Variants in THSD7B observed in about 807,000 individuals in gnomAD.
THSD7B encodes the protein thrombospondin type-1 domain-containing protein 7B.
Under a neutral mutation model 213.6 loss-of-function variants are expected in THSD7B, and 138 were observed. The ratio of observed to expected loss-of-function variants is 0.65; its 90% CI spans 0.56 to 0.74. The LOEUF is 0.74. THSD7B is among the 30% of genes least tolerant of loss of function. The probability of loss-of-function intolerance (pLI) is 0.00; values close to 1 mark genes in which losing one functional copy is unlikely to be tolerated. For missense variants in THSD7B, 1,931 were observed against 1,991.5 expected (o/e 0.97, Z 0.58); for synonymous variants, 742 against 687.0 (o/e 1.08, Z -1.25).
intron 5 of THSD7B, among the ~76,000 whole-genome samples, chr2:137,127,700 T>A (rs1286763819): frequency 1.3e-5 from 2 of 152,128 alleles, no homozygotes; most frequent in Non-Finnish European, 2.9e-5. Context: ...GTGGATTTCT[T>A]GAGGTCAAGA....
At chr2:137,012,284 G>T (rs1328831694) in intron 2 of THSD7B, among the ~76,000 whole-genome samples, 2 of 152,144 alleles carry the variant, frequency 1.3e-5, no homozygotes, top group Non-Finnish European at 2.9e-5. Flanking sequence ...TCCAGAGTTT[G>T]GGGAGTCTGA....
chr2:136,891,480 ATTC>A (rs1398766603), intron 2 of THSD7B, among the ~76,000 whole-genome samples: 1 of 152,152 alleles, frequency 6.6e-6, no homozygotes, highest in African/African-American at 2.4e-5. Context: ...CTGGAAGTCT[ATTC>A]TTTAAGGTGG....
intron 1 of THSD7B, among the ~76,000 whole-genome samples, chr2:136,833,027 T>C (rs554018850): frequency 6.6e-6 from 1 of 152,224 alleles, no homozygotes; most frequent in African/African-American, 2.4e-5. Flanking sequence ...TTGTGTTGGG[T>C]GATTATCATA....
Position 137,272,551 on chromosome 2 carries a change from A to G in THSD7B, c.2285A>G (p.Gln762Arg). 6.2e-7 allele frequency: 1 copy of G among 1,610,500 alleles called. No individual in the cohort carries two copies. Among genetic ancestry groups the G allele is most frequent in the Non-Finnish European group, 8.5e-7 (1 of 1,178,522 alleles). ...ACTTCAGGAAATGCCACAGTAAAACAGTCTCGATACAGAATCATCATCCAA... is the reference window on the plus strand; with the variant it reads ...ACTTCAGGAAATGCCACAGTAAAACGGTCTCGATACAGAATCATCATCCAA... Reference protein sequence around the residue: ...MCQAGNATVKQSRYRIIIQEA... With the variant: ...MCQAGNATVKRSRYRIIIQEA... The change falls in exon 11 of 28, where the codon CAG (glutamine) becomes CGG (arginine). Residue 762 changes from glutamine to arginine, a missense_variant. By Grantham distance (43) the Gln-to-Arg change is conservative (BLOSUM62 1). Coordinates refer to ENST00000409968, the MANE Select transcript of THSD7B (RefSeq NM_001316349.2).
rs186633678 is a variant in THSD7B at position 136,906,545 on chromosome 2, C to T, written c.139+24228C>T. 18 of 151,960 alleles carry T rather than the reference C, an allele frequency of 1.2e-4. 1 individual carries two copies. The East Asian group carries it at 3.5e-3, about 29-fold the overall frequency. 9.4% of individuals were successfully genotyped at this position (151,960 alleles called of 1,614,324 possible). On this transcript the variant is annotated intron_variant, in intron 2 of 27. Transcript: ENST00000409968. ...GGATCATTTTTATAAGTCTTGAATT[C>T]GTTGATGATGTTAACAAAAAAGTGA...
At chr2:137,318,451 G>C (rs1387632400) in intron 12 of THSD7B, among the ~76,000 whole-genome samples, 1 of 152,058 alleles carries the variant, frequency 6.6e-6, no homozygotes, top group Non-Finnish European at 1.5e-5. Flanking sequence ...ACTCACCCAG[G>C]AGGTACAATA....
intron 1 of THSD7B, among the ~76,000 whole-genome samples, chr2:136,877,413 A>G (rs1055416361): frequency 1.4e-4 from 22 of 152,272 alleles, no homozygotes; most frequent in African/African-American, 5.3e-4. Context: ...AGTTTCATGA[A>G]ATCATCTAAC....
chr2:137,384,524 G>T (rs1029463741), intron 12 of THSD7B, among the ~76,000 whole-genome samples: 1 of 151,926 alleles, frequency 6.6e-6, no homozygotes, highest in Non-Finnish European at 1.5e-5. Flanking sequence ...GTAGGGAAAG[G>T]AAGTAGCACA....
chr2:136,909,970 C>T (rs950979320), intron 2 of THSD7B, among the ~76,000 whole-genome samples: 8 of 152,044 alleles, frequency 5.3e-5, no homozygotes, highest in Admixed American at 2.0e-4. Flanking sequence ...GGTTGGCAAA[C>T]GAACAGGATC....
intron 2 of THSD7B, among the ~76,000 whole-genome samples, chr2:136,952,731 A>T (rs7570756): frequency 0.082 from 12,451 of 151,914 alleles, 881 homozygotes; most frequent in African/African-American, 0.19. Flanking sequence ...GTATTCTTTT[A>T]TTTTTTTGAT....
chr2:137,600,844 A>G (rs529530635), intron 17 of THSD7B, among the ~76,000 whole-genome samples: 1 of 152,318 alleles, frequency 6.6e-6, no homozygotes, highest in Non-Finnish European at 1.5e-5. Flanking sequence ...TGATAGCTCT[A>G]TGCATGTTAT....
chr2:137,017,741 C>T (rs1190106545), intron 2 of THSD7B, among the ~76,000 whole-genome samples: 2 of 152,136 alleles, frequency 1.3e-5, no homozygotes, highest in African/African-American at 4.8e-5. Context: ...ATGCCTTATT[C>T]TGTAAGATGC....
At chr2:137,187,566 G>A (rs1231285361) in intron 7 of THSD7B, among the ~76,000 whole-genome samples, 1 of 152,156 alleles carries the variant, frequency 6.6e-6, no homozygotes, top group Non-Finnish European at 1.5e-5. Context: ...GTATCTTCCT[G>A]ATCTCTGTGT....
intron 2 of THSD7B, among the ~76,000 whole-genome samples, chr2:137,029,884 C>T (rs1686630374): frequency 6.6e-6 from 1 of 152,140 alleles, no homozygotes; most frequent in Admixed American, 6.5e-5. Context: ...TTTATTATAA[C>T]TCTGAGGAGC....
chr2:137,426,627 T>A (rs768993838), intron 14 of THSD7B, among the ~76,000 whole-genome samples: 6 of 152,154 alleles, frequency 3.9e-5, no homozygotes, highest in Non-Finnish European at 8.8e-5. Flanking sequence ...TGAAATTGAA[T>A]CCTTATCTTA....
At chr2:137,434,574 G>C (rs772653634) in intron 14 of THSD7B, among the ~76,000 whole-genome samples, 1 of 152,194 alleles carries the variant, frequency 6.6e-6, no homozygotes, top group African/African-American at 2.4e-5. Context: ...TCTTTCACGA[G>C]CTCATGGCTC....
At chr2:137,304,157 A>G (rs1683683510) in intron 12 of THSD7B, among the ~76,000 whole-genome samples, 2 of 152,090 alleles carry the variant, frequency 1.3e-5, no homozygotes, top group South Asian at 4.2e-4. Context: ...ATGGCTGCAT[A>G]GTATTCCATG....
At chr2:137,345,491 A>G (rs1353456180) in intron 12 of THSD7B, among the ~76,000 whole-genome samples, 1 of 151,786 alleles carries the variant, frequency 6.6e-6, no homozygotes, top group Non-Finnish European at 1.5e-5. Context: ...CGTCTCTGAA[A>G]GAATTGAAAG....
intron 15 of THSD7B, among the ~76,000 whole-genome samples, chr2:137,471,553 A>G (rs948288113): frequency 6.6e-6 from 1 of 151,986 alleles, no homozygotes; most frequent in Middle Eastern, 3.4e-3. Context: ...CTACTTGTAT[A>G]AGTTCTGTCC....
Sources: allele counts gnomAD v4.1 joint callset (sites outside exome capture counted in the v4.1 genomes callset), GRCh38; gene constraint gnomAD v4.1.1; transcripts MANE v1.5; gene names NCBI Gene and HGNC (gene_info 2026-07-23, HGNC 2026-07-21).